Variants in CEP76 observed in about 807,000 individuals in gnomAD.
The protein encoded by CEP76 is centrosomal protein 76.
A neutral mutation model predicts 83.3 loss-of-function variants in CEP76; 55 were observed. The ratio of observed to expected loss-of-function variants is 0.66; its 90% confidence interval spans 0.53 to 0.83. The LOEUF is 0.83. Among genes scored for constraint, CEP76 ranks in the 40% least tolerant of loss-of-function variants. CEP76 has a pLI of 0.00. For missense variants in CEP76, 694 were observed against 799.5 expected (o/e 0.87, Z 1.59); for synonymous variants, 270 against 274.5 (o/e 0.98, Z 0.16).
In CEP76 at chr18:12,686,231, G is replaced by A. The variant is rs773009898; in HGVS notation, c.1122+31C>T. On this transcript the variant is annotated intron_variant, in intron 8 of 11. Transcript: ENST00000262127. ...AAATTCAGAGTAACTATGATATACT[G>A]CTACTTAATTCTATTATGTGTGTAT... is the stretch of plus-strand genomic sequence containing the variant. 2.6e-6 allele frequency: 4 copies of A among 1,539,010 alleles called. No individual in the cohort carries two copies. The South Asian group carries it at 3.5e-5, about 13-fold the overall frequency.
intron 11 of CEP76, 95 bp downstream of exon 11, chr18:12,674,441 T>TAA (rs34769779): frequency 6.0e-4 from 429 of 715,086 alleles, no homozygotes; most frequent in Middle Eastern, 1.2e-3. Context: ...GACCTTGAGT[T>TAA]AAAAAAAAAA....
downstream of CEP76, chr18:12,670,861 C>T (rs1340438776): frequency 6.6e-6 from 1 of 151,960 alleles, no homozygotes; most frequent in Non-Finnish European, 1.5e-5. Flanking sequence ...GTTGCCCAGG[C>T]TGGTCTTAAA....
downstream of CEP76, among the ~76,000 whole-genome samples, chr18:12,670,216 G>A (rs2038908453): frequency 6.6e-6 from 1 of 151,820 alleles, no homozygotes; most frequent in Admixed American, 6.6e-5. Flanking sequence ...TGTAGTCCCA[G>A]CTACTTGGGA....
At chr18:12,667,016 ACG>A (rs1470631553) in intron 12 of CEP76, among the ~76,000 whole-genome samples, 1 of 152,158 alleles carries the variant, frequency 6.6e-6, no homozygotes, top group East Asian at 1.9e-4. Context: ...TAAGATGTAT[ACG>A]GAAAACAACA....
intron 12 of CEP76, among the ~76,000 whole-genome samples, chr18:12,666,933 TGAG>T (rs1289523165): frequency 6.6e-6 from 1 of 151,792 alleles, no homozygotes; most frequent in Non-Finnish European, 1.5e-5. Flanking sequence ...TTATTCATAA[TGAG>T]TTTAAAATTA....
intron 4 of CEP76, 131 bp downstream of exon 4, chr18:12,698,848 A>T: frequency 1.5e-6 from 1 of 648,750 alleles, no homozygotes. Flanking sequence ...AATTGAAAAG[A>T]GCAGTGGGAA....
chr18:12,670,202 T>C (rs552297859), downstream of CEP76, among the ~76,000 whole-genome samples: 3 of 151,848 alleles, frequency 2.0e-5, no homozygotes, highest in South Asian at 6.3e-4. Flanking sequence ...TGGTAGCGTG[T>C]GCCTGTAGTC....
At chr18:12,702,128 AAG>A (rs1417302895) in intron 1 of CEP76, among the ~76,000 whole-genome samples, 21 of 152,186 alleles carry the variant, frequency 1.4e-4, no homozygotes, top group African/African-American at 4.6e-4. Flanking sequence ...CGTCTCAAGA[AAG>A]AAAAAAAACC....
chr18:12,699,283 T>G (rs2040068617), intron 3 of CEP76, 80 bp from the exon 4 acceptor site: 1 of 1,048,314 alleles, frequency 9.5e-7, no homozygotes, highest in African/African-American at 1.6e-5. Context: ...AAATAAAAAC[T>G]TGACAGATAA....
intron 4 of CEP76, among the ~76,000 whole-genome samples, chr18:12,698,326 C>G (rs976160177): frequency 1.3e-5 from 2 of 151,898 alleles, no homozygotes; most frequent in Non-Finnish European, 2.9e-5. Flanking sequence ...GCCACCATGC[C>G]CGGCTAGAAA....
chr18:12,681,571 T>C (rs1388926970), intron 8 of CEP76, among the ~76,000 whole-genome samples: 4 of 152,048 alleles, frequency 2.6e-5, no homozygotes, highest in Non-Finnish European at 5.9e-5. Flanking sequence ...AATAGATTAA[T>C]AGCTGAAGTA....
At chr18:12,693,961 A>G (rs1471955342) in intron 6 of CEP76, among the ~76,000 whole-genome samples, 1 of 152,160 alleles carries the variant, frequency 6.6e-6, no homozygotes, top group East Asian at 1.9e-4. Flanking sequence ...CTTCCCAAGC[A>G]GCTGGGACTA....
chr18:12,677,159 G>C (rs758771611), intron 10 of CEP76, among the ~76,000 whole-genome samples: 29 of 152,030 alleles, frequency 1.9e-4, no homozygotes, highest in Non-Finnish European at 3.5e-4. Context: ...TATTTGACAA[G>C]AGGCTTGATC....
At chr18:12,679,062 A>C (rs1167611392) in intron 9 of CEP76, 3 of 152,360 alleles carry the variant, frequency 2.0e-5, no homozygotes, top group African/African-American at 7.2e-5. Flanking sequence ...ACCAGGGAGA[A>C]AGAGGACTCG....
In CEP76 at chr18:12,691,359, C is replaced by T; in HGVS notation, c.933G>A (p.Gln311=). Residue 311 remains glutamine, a splice_region_variant and synonymous_variant, in exon 7 of 12, where the codon CAG becomes CAA. Transcript: ENST00000262127. The part of the protein sequence containing the change: ...HNSRLVKIFA[Q]DENGINRPVC... Reference sequence around the variant, plus strand: ...AATTATTCTAATATAATTTACAAACCTGTGCAAAAATCTTAACCAGTCGTG... The same window carrying T: ...AATTATTCTAATATAATTTACAAACTTGTGCAAAAATCTTAACCAGTCGTG... The T allele has an allele frequency of 6.4e-7, 1 of 1,563,338 alleles. No homozygotes were observed. Among genetic ancestry groups the T allele is most frequent in the Non-Finnish European group, 8.7e-7 (1 of 1,155,320 alleles).
intron 10 of CEP76, among the ~76,000 whole-genome samples, chr18:12,676,678 G>C (rs1220663853): frequency 6.6e-6 from 1 of 152,136 alleles, no homozygotes; most frequent in Non-Finnish European, 1.5e-5. Context: ...GTAATAAGGG[G>C]CATTCATTTC....
chr18:12,673,379 G>A lies in CEP76; in HGVS notation c.1966C>T (p.Arg656Cys), dbSNP rs375361062. ...AAATATTGGCCCTATAATACCGAGC[G>A]ATATTTACAAGCAAACATGATCCAA... The part of the protein sequence containing the change: ...AVWIMFACKY[R>C]SVL The change falls in exon 12 of 12, where the codon CGC becomes TGC. Residue 656 changes from arginine (R) to cysteine (C), a missense_variant. Coordinates refer to ENST00000262127, the MANE Select transcript of CEP76 (RefSeq NM_024899.4). The A allele has an allele frequency of 5.0e-6, 8 of 1,604,028 alleles. No homozygotes were observed. In the African/African-American group the frequency reaches 9.5e-5, roughly 19 times the overall value.
chr18:12,679,313 A>G (rs1379809963), intron 9 of CEP76: 1 of 152,234 alleles, frequency 6.6e-6, no homozygotes, highest in Non-Finnish European at 1.5e-5. Context: ...GAGAAGCCAC[A>G]GAAGTTCGAG....
At chr18:12,687,949 C>T (rs1405152114) in intron 7 of CEP76, among the ~76,000 whole-genome samples, 1 of 151,814 alleles carries the variant, frequency 6.6e-6, no homozygotes, top group African/African-American at 2.4e-5. Context: ...TTTCTTAAAA[C>T]CTAATGGCCT....
Sources: allele counts gnomAD v4.1 joint callset (sites outside exome capture counted in the v4.1 genomes callset), GRCh38; gene constraint gnomAD v4.1.1; transcripts MANE v1.5; gene names NCBI Gene and HGNC (gene_info 2026-07-23, HGNC 2026-07-21).